The following EFCAB6 variants were observed in gnomAD, a reference collection of about 807,000 sequenced individuals.
EFCAB6 encodes the protein EF-hand calcium binding domain 6.
Under a neutral mutation model 169.8 loss-of-function variants are expected in EFCAB6, and 156 were observed. The ratio of observed to expected loss-of-function variants is 0.92; its 90% CI spans 0.81 to 1.05. EFCAB6 has a LOEUF of 1.05. EFCAB6 is among the 50% of genes least tolerant of loss of function. The probability of loss-of-function intolerance (pLI) is 0.00; values close to 1 mark genes in which losing one functional copy is unlikely to be tolerated. For missense variants in EFCAB6, 1,800 were observed against 1,829.1 expected, an observed-to-expected ratio of 0.98 and a Z score of 0.29; for synonymous variants, 698 against 676.4, an observed-to-expected ratio of 1.03 and a Z score of -0.50.
chr22:43,632,289 T>G, intron 18 of EFCAB6, 51 bp from the exon 19 acceptor site: 1 of 1,480,228 alleles, frequency 6.8e-7, no homozygotes, highest in South Asian at 1.3e-5. Flanking sequence ...TCAGCTTCAT[T>G]CCTTCTTTTT....
In EFCAB6 at chr22:43,599,509, CAAAAAAAAAAAAAAAAAAAAAAA is replaced by C. The variant is rs58130994; in HGVS notation, c.2876+537_2876+559del. 5.0e-3 allele frequency among the ~76,000 whole-genome samples: 220 copies of C among 44,244 alleles called. 2 individuals are homozygous for C. Among genetic ancestry groups the C allele is most frequent in the African/African-American group, 0.016 (175 of 11,104 alleles). The allele number at this position is 44,244 out of a possible 152,430, so 29.0% of individuals were successfully genotyped here. On this transcript the variant is annotated intron_variant, in intron 23 of 31. Coordinates refer to ENST00000262726, the MANE Select transcript of EFCAB6 (RefSeq NM_022785.4). ...TGGGAGACAGAGTGAGATTCCATCTCAAAAAAAAAAAAAAAAAAAAAAAAAAAAAAAAAAAAAAAAGACACACT... is the reference window on the plus strand; with the variant it reads ...TGGGAGACAGAGTGAGATTCCATCTCAAAAAAAAAAAAAAAAAGACACACT...
chr22:43,541,837 G>T (rs1228923682), intron 27 of EFCAB6, among the ~76,000 whole-genome samples: 3 of 152,154 alleles, frequency 2.0e-5, no homozygotes, highest in Non-Finnish European at 2.9e-5. Flanking sequence ...CTCCCTGCAG[G>T]GTCCTCTGAG....
At chr22:43,535,521 G>C (rs2047334221) in intron 29 of EFCAB6, 1 of 152,244 alleles carries the variant, frequency 6.6e-6, no homozygotes, top group Admixed American at 6.5e-5. Context: ...TGGCCGAGAG[G>C]CTGGCCCACC....
intron 10 of EFCAB6, among the ~76,000 whole-genome samples, chr22:43,695,630 G>A (rs539932843): frequency 3.1e-4 from 47 of 152,156 alleles, no homozygotes; most frequent in Non-Finnish European, 5.4e-4. Flanking sequence ...GTACTGATGC[G>A]AGAATAGACC....
chr22:43,699,602 G>A (rs982248577), intron 10 of EFCAB6, among the ~76,000 whole-genome samples: 3 of 152,098 alleles, frequency 2.0e-5, no homozygotes, highest in African/African-American at 4.8e-5. Flanking sequence ...ACCATGATAA[G>A]CATACAGAAT....
chr22:43,576,788 T>G (rs1476009324), intron 25 of EFCAB6, among the ~76,000 whole-genome samples: 1 of 152,210 alleles, frequency 6.6e-6, no homozygotes, highest in Non-Finnish European at 1.5e-5. Flanking sequence ...ACCTTCCTGA[T>G]GGAAGCCTCG....
intron 5 of EFCAB6, among the ~76,000 whole-genome samples, chr22:43,756,210 G>A (rs972681706): frequency 2.6e-5 from 4 of 152,094 alleles, no homozygotes; most frequent in Admixed American, 6.5e-5. Context: ...GAGACTGACG[G>A]GGATCTTAAT....
rs533864457 is a variant in EFCAB6, at chr22:43,617,801, C to T, written c.2466-1879G>A. Among the ~76,000 whole-genome samples the T allele has an allele frequency of 3.3e-5, 5 of 152,170 alleles. No individual in the cohort carries two copies. In the South Asian group the frequency reaches 1.0e-3, roughly 32 times the overall value. On this transcript the variant is annotated intron_variant, in intron 20 of 31. Transcript: ENST00000262726. ...GTGATGGAGAAACTTAGAACAAACA[C>T]ACAAGAAAAACAAGTGACTCGGCTG...
intron 26 of EFCAB6, among the ~76,000 whole-genome samples, chr22:43,563,849 C>T (rs1039455377): frequency 3.3e-5 from 5 of 152,344 alleles, no homozygotes; most frequent in African/African-American, 1.2e-4. Flanking sequence ...AAGGCAGAAG[C>T]CAGGTCTGAG....
chr22:43,784,524 T>G (rs2061949089), intron 2 of EFCAB6, among the ~76,000 whole-genome samples: 1 of 132,550 alleles, frequency 7.5e-6, no homozygotes, highest in Non-Finnish European at 1.6e-5. Context: ...TGTGTGTGTG[T>G]GTGTGTGTGT....
intron 5 of EFCAB6, among the ~76,000 whole-genome samples, chr22:43,761,997 T>A (rs922649029): frequency 6.6e-6 from 1 of 152,236 alleles, no homozygotes. Context: ...TGATGTTACT[T>A]GGCACTTTAT....
chr22:43,810,450 T>C (rs1333117612), intron 1 of EFCAB6, among the ~76,000 whole-genome samples: 1 of 152,236 alleles, frequency 6.6e-6, no homozygotes. Flanking sequence ...ATCATATTCA[T>C]GTTATCTCTA....
intron 8 of EFCAB6, among the ~76,000 whole-genome samples, chr22:43,721,501 A>G (rs994393815): frequency 5.3e-5 from 8 of 152,232 alleles, no homozygotes; most frequent in African/African-American, 1.9e-4. Context: ...ACTATACTAT[A>G]AGACTATAGA....
chr22:43,695,333 G>C (rs149166979), intron 10 of EFCAB6, among the ~76,000 whole-genome samples: 1 of 152,036 alleles, frequency 6.6e-6, no homozygotes, highest in East Asian at 1.9e-4. Context: ...ATAAAACTTT[G>C]ACTAGGAAAA....
intron 10 of EFCAB6, among the ~76,000 whole-genome samples, chr22:43,688,761 C>T (rs2058294940): frequency 6.6e-6 from 1 of 152,238 alleles, no homozygotes; most frequent in African/African-American, 2.4e-5. Context: ...CAAACACCTT[C>T]TGTGACTTAC....
chr22:43,625,885 G>A (rs976419170), intron 20 of EFCAB6, among the ~76,000 whole-genome samples: 16 of 152,256 alleles, frequency 1.1e-4, no homozygotes, highest in African/African-American at 3.9e-4. Flanking sequence ...TCTGCACAGA[G>A]TTGGTGCACG....
chr22:43,652,069 A>C (rs1443434001), intron 17 of EFCAB6, among the ~76,000 whole-genome samples: 5 of 152,198 alleles, frequency 3.3e-5, no homozygotes, highest in Non-Finnish European at 7.3e-5. Context: ...TTGGGAAGGC[A>C]TGATTGGTTT....
intron 12 of EFCAB6, among the ~76,000 whole-genome samples, chr22:43,680,094 G>A (rs1281521012): frequency 3.3e-5 from 5 of 152,172 alleles, no homozygotes; most frequent in African/African-American, 1.2e-4. Flanking sequence ...TCTTCTAAGA[G>A]TTTTATGAGT....
At chr22:43,671,893 A>G in intron 15 of EFCAB6, 80 bp downstream of exon 15, 1 of 1,507,462 alleles carries the variant, frequency 6.6e-7, no homozygotes, top group South Asian at 1.3e-5. Context: ...TATTTCAAAA[A>G]CACACAGAAA....
Sources: allele counts gnomAD v4.1 joint callset (sites outside exome capture counted in the v4.1 genomes callset), GRCh38; gene constraint gnomAD v4.1.1; transcripts MANE v1.5; gene names NCBI Gene and HGNC (gene_info 2026-07-23, HGNC 2026-07-21).